The following DGCR2 variants were observed in gnomAD, a reference collection of about 807,000 sequenced individuals.
The protein encoded by DGCR2 is integral membrane protein DGCR2/IDD.
A neutral mutation model predicts 51.6 loss-of-function variants in DGCR2; 24 were observed. The observed-to-expected ratio is 0.47, with a 90% CI of 0.34 to 0.65. The LOEUF (loss-of-function observed/expected upper bound fraction) is 0.65. DGCR2 is among the 30% of genes least tolerant of loss of function. The probability of loss-of-function intolerance (pLI) is 0.01; values close to 1 mark genes in which losing one functional copy is unlikely to be tolerated. For missense variants in DGCR2, 765 were observed against 772.1 expected, an observed-to-expected ratio of 0.99 and a Z score of 0.11; for synonymous variants, 340 against 315.4, an observed-to-expected ratio of 1.08 and a Z score of -0.82.
At chr22:19,100,145 C>T (rs555903837) in intron 1 of DGCR2, among the ~76,000 whole-genome samples, 2 of 152,068 alleles carry the variant, frequency 1.3e-5, no homozygotes, top group Non-Finnish European at 2.9e-5. Flanking sequence ...TGGCACACAC[C>T]TGTAATCCCA....
chr22:19,065,283 C>T, intron 3 of DGCR2: 1 of 570,760 alleles, frequency 1.8e-6, no homozygotes, highest in Non-Finnish European at 3.1e-6. Context: ...CATTCGGTGA[C>T]TCTTCCCATT....
chr22:19,084,328 C>T (rs1240022891), intron 2 of DGCR2, among the ~76,000 whole-genome samples: 4 of 150,874 alleles, frequency 2.7e-5, no homozygotes, highest in South Asian at 2.1e-4. Flanking sequence ...GCCTCTGCCC[C>T]GCCGCCCCGT....
chr22:19,065,662 T>C (rs1179324597), intron 3 of DGCR2: 1 of 156,374 alleles, frequency 6.4e-6, no homozygotes, highest in Non-Finnish European at 1.4e-5. Context: ...CACTTGAGTA[T>C]CAATGAGTCT....
chr22:19,079,405 G>A (rs1279601589), intron 2 of DGCR2, among the ~76,000 whole-genome samples: 1 of 152,160 alleles, frequency 6.6e-6, no homozygotes, highest in East Asian at 1.9e-4. Flanking sequence ...CATTTTCTTA[G>A]CTGGGCTAAG....
chr22:19,062,796 C>A (rs575480980), intron 5 of DGCR2, among the ~76,000 whole-genome samples: 3 of 146,866 alleles, frequency 2.0e-5, no homozygotes, highest in South Asian at 4.4e-4. Context: ...CTCTCTCTCT[C>A]TCTCTCTCTC....
intron 1 of DGCR2, among the ~76,000 whole-genome samples, chr22:19,115,350 C>G (rs2083363068): frequency 6.6e-6 from 1 of 152,192 alleles, no homozygotes; most frequent in Non-Finnish European, 1.5e-5. Flanking sequence ...CAGTGAGGAT[C>G]CACATTAATG....
At chr22:19,061,542 T>C (rs901030323) in intron 5 of DGCR2, 8 of 152,230 alleles carry the variant, frequency 5.3e-5, no homozygotes, top group African/African-American at 1.9e-4. Flanking sequence ...GAAGATTTTA[T>C]AAGCCTCCCA....
intron 2 of DGCR2, among the ~76,000 whole-genome samples, chr22:19,068,880 G>A (rs2082781362): frequency 6.6e-6 from 1 of 152,260 alleles, no homozygotes; most frequent in Non-Finnish European, 1.5e-5. Context: ...GTTTTATACA[G>A]CATGATCTAA....
intron 1 of DGCR2, among the ~76,000 whole-genome samples, chr22:19,101,551 G>C (rs1255984236): frequency 1.3e-5 from 2 of 151,706 alleles, no homozygotes; most frequent in Non-Finnish European, 2.9e-5. Flanking sequence ...GACCACCCTG[G>C]CCAACACGGT....
At chr22:19,098,880 C>T (rs1237419815) in intron 1 of DGCR2, among the ~76,000 whole-genome samples, 7 of 152,176 alleles carry the variant, frequency 4.6e-5, no homozygotes, top group Admixed American at 4.6e-4. Context: ...AGGCATGAGC[C>T]ACTGTGTCTG....
intron 7 of DGCR2, among the ~76,000 whole-genome samples, chr22:19,042,282 C>A (rs138079489): frequency 2.6e-5 from 4 of 152,166 alleles, no homozygotes; most frequent in Non-Finnish European, 5.9e-5. Context: ...TAGGAGGCTG[C>A]GCTCATGTGC....
At chr22:19,056,493 G>T in intron 6 of DGCR2, 1 of 524,444 alleles carries the variant, frequency 1.9e-6, no homozygotes, top group Non-Finnish European at 3.5e-6. Flanking sequence ...AAGGGGACCT[G>T]CCCCACCAAG....
chr22:19,072,336 C>G (rs992033244), intron 2 of DGCR2, among the ~76,000 whole-genome samples: 1 of 152,118 alleles, frequency 6.6e-6, no homozygotes, highest in South Asian at 2.1e-4. Flanking sequence ...AGATTCCCAA[C>G]GAAACATATC....
chr22:19,057,496 A>G lies in DGCR2; in HGVS notation c.626-334T>C, dbSNP rs532634506. 6.2e-4 allele frequency among the ~76,000 whole-genome samples: 95 copies of G among 152,366 alleles called. No individual in the cohort carries two copies. Among genetic ancestry groups the G allele is most frequent in the African/African-American group, 2.1e-3 (89 of 41,580 alleles). On this transcript the variant is annotated intron_variant, in intron 5 of 9. Transcript: ENST00000263196. This position sits in a 1 kb window ranked among gnomAD's most constrained non-coding sequence, Gnocchi z 5.1. The stretch of plus-strand genomic sequence containing the variant: ...AAAGTTAGAGCAACAGCATAATAAC[A>G]AAGTAATGGATTGTGGCACACTGGA...
At chr22:19,040,039 C>G (rs2082414171) in intron 9 of DGCR2, among the ~76,000 whole-genome samples, 1 of 152,172 alleles carries the variant, frequency 6.6e-6, no homozygotes, top group Admixed American at 6.5e-5. Flanking sequence ...CATAGGCTGT[C>G]TCTGAAAGCT....
intron 9 of DGCR2, 51 bp downstream of exon 9, chr22:19,041,007 A>G: frequency 6.8e-7 from 1 of 1,481,006 alleles, no homozygotes; most frequent in Non-Finnish European, 9.2e-7. Context: ...GCTCAGCCCC[A>G]CGTGCCAGGT....
chr22:19,046,877 G>C (rs2082495961), intron 7 of DGCR2: 3 of 266,022 alleles, frequency 1.1e-5, no homozygotes, highest in Non-Finnish European at 2.5e-5. Context: ...CCCACAAATG[G>C]GTCATCCTTG....
At chr22:19,069,261 G>A (rs896438709) in intron 2 of DGCR2, among the ~76,000 whole-genome samples, 21 of 152,218 alleles carry the variant, frequency 1.4e-4, no homozygotes, top group African/African-American at 4.6e-4. Flanking sequence ...GAGGCCTCCT[G>A]CAAAGCCTCC....
intron 6 of DGCR2, 143 bp downstream of exon 6, chr22:19,056,843 C>G (rs1029888063): frequency 1.3e-5 from 12 of 937,458 alleles, no homozygotes; most frequent in Non-Finnish European, 1.9e-5. Context: ...AAATGGGCCC[C>G]AAGAACAAGG....
Sources: allele counts gnomAD v4.1 joint callset (sites outside exome capture counted in the v4.1 genomes callset), GRCh38; gene constraint gnomAD v4.1.1; non-coding constraint Gnocchi (gnomAD v3.1); transcripts MANE v1.5; gene names NCBI Gene and HGNC (gene_info 2026-07-23, HGNC 2026-07-21).